Variants in ARSB observed in about 807,000 individuals in gnomAD.
ARSB encodes arylsulfatase B, also known as N-acetylgalactosamine-4-sulfatase.
ARSB carries 41 observed loss-of-function variants against 50.9 expected under a neutral mutation model. The ratio of observed to expected loss-of-function variants is 0.81; its 90% CI spans 0.63 to 1.04. The LOEUF (loss-of-function observed/expected upper bound fraction) is 1.04, where lower values mean the gene tolerates loss of function less well. Among genes scored for constraint, ARSB ranks in the 50% least tolerant of loss-of-function variants. The probability of loss-of-function intolerance (pLI) is 0.00; values close to 1 mark genes in which losing one functional copy is unlikely to be tolerated. For missense variants in ARSB, 672 were observed against 693.3 expected (o/e 0.97, Z 0.35); for synonymous variants, 269 against 284.8 (o/e 0.94, Z 0.56).
chr5:78,847,605 T>G (rs200836161), intron 5 of ARSB, among the ~76,000 whole-genome samples: 1 of 152,344 alleles, frequency 6.6e-6, no homozygotes, highest in East Asian at 1.9e-4. Flanking sequence ...AATTCCCTCC[T>G]CTTCAATTTT....
At chr5:78,795,535 C>G (rs1043151348) in intron 6 of ARSB, among the ~76,000 whole-genome samples, 2 of 152,180 alleles carry the variant, frequency 1.3e-5, no homozygotes, top group Non-Finnish European at 2.9e-5. Context: ...AATAGGGAGG[C>G]CTGACCACCA....
intron 1 of ARSB, among the ~76,000 whole-genome samples, chr5:78,983,832 G>C (rs1436586490): frequency 6.6e-6 from 1 of 152,140 alleles, no homozygotes; most frequent in South Asian, 2.1e-4. Context: ...CAGGTTATGC[G>C]AACACACACT....
chr5:78,902,142 G>C (rs1284138414), intron 4 of ARSB, among the ~76,000 whole-genome samples: 1 of 152,192 alleles, frequency 6.6e-6, no homozygotes, highest in East Asian at 1.9e-4. Flanking sequence ...TATGATAAGA[G>C]GGCAAGAGCA....
At chr5:78,789,956 G>A (rs1420157357) in intron 6 of ARSB, among the ~76,000 whole-genome samples, 1 of 152,164 alleles carries the variant, frequency 6.6e-6, no homozygotes, top group African/African-American at 2.4e-5. Flanking sequence ...TGGCATTAGA[G>A]GTGTGCAAGC....
intron 7 of ARSB, among the ~76,000 whole-genome samples, chr5:78,781,032 T>C (rs530592399): frequency 6.6e-6 from 1 of 152,326 alleles, no homozygotes; most frequent in East Asian, 1.9e-4. Context: ...CCAAAAATGT[T>C]CTCATTGTAA....
chr5:78,851,639 T>G (rs1745790725), intron 5 of ARSB, among the ~76,000 whole-genome samples: 1 of 152,244 alleles, frequency 6.6e-6, no homozygotes, highest in Non-Finnish European at 1.5e-5. Flanking sequence ...CTCATTGATC[T>G]GTTTAATGTT....
At chr5:78,950,058 C>G (rs1294938798) in intron 4 of ARSB, among the ~76,000 whole-genome samples, 1 of 152,158 alleles carries the variant, frequency 6.6e-6, no homozygotes, top group Non-Finnish European at 1.5e-5. Context: ...TGTCCCTAAC[C>G]TTAACTCATT....
At chr5:78,904,685 C>CTT (rs55920994) in intron 4 of ARSB, among the ~76,000 whole-genome samples, 88 of 98,872 alleles carry the variant, frequency 8.9e-4, no homozygotes, top group South Asian at 1.9e-3. Flanking sequence ...TTCTTTCTTT[C>CTT]TTTTTTTTTT....
At chr5:78,944,605 C>T (rs1366443444) in intron 4 of ARSB, among the ~76,000 whole-genome samples, 2 of 152,208 alleles carry the variant, frequency 1.3e-5, no homozygotes, top group Admixed American at 6.5e-5. Flanking sequence ...TATTGGTGAA[C>T]AGCAAATGTT....
chr5:78,864,653 A>G (rs981889873), intron 5 of ARSB, among the ~76,000 whole-genome samples: 7 of 152,200 alleles, frequency 4.6e-5, no homozygotes, highest in African/African-American at 1.7e-4. Flanking sequence ...TTTCAGCATT[A>G]ACTCAAAAGT....
At chr5:78,980,725 A>AGTGTGTGTGTGTGTGTGTGTGTGTGT (rs1315709564) in intron 1 of ARSB, among the ~76,000 whole-genome samples, 1 of 91,886 alleles carries the variant, frequency 1.1e-5, no homozygotes, top group Admixed American at 1.2e-4. Flanking sequence ...TGTCTAAGGA[A>AGTGTGTGTGTGTGTGTGTGTGTGTGT]GTGTGTGTAT....
At chr5:78,802,948 T>G (rs1384792334) in intron 6 of ARSB, among the ~76,000 whole-genome samples, 2 of 152,192 alleles carry the variant, frequency 1.3e-5, no homozygotes, top group African/African-American at 4.8e-5. Context: ...GGTCTCATAA[T>G]GGACTTAAAT....
chr5:78,808,284 C>T (rs1363779167), intron 6 of ARSB, among the ~76,000 whole-genome samples: 4 of 150,432 alleles, frequency 2.7e-5, no homozygotes, highest in Non-Finnish European at 4.4e-5. Flanking sequence ...CATATTTCAT[C>T]GGTAAATATT....
intron 1 of ARSB, among the ~76,000 whole-genome samples, chr5:78,983,800 C>G (rs758375641): frequency 1.3e-5 from 2 of 152,176 alleles, no homozygotes; most frequent in Non-Finnish European, 2.9e-5. Flanking sequence ...CTTAGGACCA[C>G]GTGAGGCTAG....
chr5:78,791,958 G>A (rs1749248390), intron 6 of ARSB, among the ~76,000 whole-genome samples: 1 of 151,744 alleles, frequency 6.6e-6, no homozygotes, highest in Non-Finnish European at 1.5e-5. Flanking sequence ...GCTTCCTTGA[G>A]CCACACTGGA....
chr5:78,916,616 T>C (rs1320016469), intron 4 of ARSB, among the ~76,000 whole-genome samples: 1 of 152,212 alleles, frequency 6.6e-6, no homozygotes, highest in Admixed American at 6.5e-5. Context: ...AGATTAAATG[T>C]TACATTAATG....
At chr5:78,881,147 G>T (rs753455464) in intron 5 of ARSB, among the ~76,000 whole-genome samples, 1 of 151,970 alleles carries the variant, frequency 6.6e-6, no homozygotes, top group African/African-American at 2.4e-5. Flanking sequence ...CATGAGAACC[G>T]CTTGAACCCA....
chr5:78,785,880 T>G (rs1293244459), intron 6 of ARSB, among the ~76,000 whole-genome samples: 1 of 152,246 alleles, frequency 6.6e-6, no homozygotes, highest in Non-Finnish European at 1.5e-5. Flanking sequence ...TTCTTGATTA[T>G]GGTCAGAGGG....
At chr5:78,934,114 A>G (rs1271504852) in intron 4 of ARSB, among the ~76,000 whole-genome samples, 2 of 152,142 alleles carry the variant, frequency 1.3e-5, no homozygotes, top group African/African-American at 4.8e-5. Context: ...AAAAACCCAA[A>G]TGGTCTCTGC....
Sources: allele counts gnomAD v4.1 joint callset (sites outside exome capture counted in the v4.1 genomes callset), GRCh38; gene constraint gnomAD v4.1.1; transcripts MANE v1.5; gene names NCBI Gene and HGNC (gene_info 2026-07-23, HGNC 2026-07-21).